The following ARK2C variants were observed in gnomAD, a reference collection of about 807,000 sequenced individuals.
ARK2C encodes the protein E3 ubiquitin-protein ligase ARK2C.
At chr18:46,451,100 C>T in the ARK2C span, among the ~76,000 whole-genome samples, 4 of 152,146 alleles carry the variant, frequency 2.6e-5, no homozygotes, top group Non-Finnish European at 4.4e-5. Flanking sequence ...GTGTCAGGCA[C>T]ATAAATACTT....
chr18:46,362,170 G>A, the ARK2C span, among the ~76,000 whole-genome samples: 87 of 152,340 alleles, frequency 5.7e-4, no homozygotes, highest in Middle Eastern at 6.8e-3. Flanking sequence ...AGGGGCAGTC[G>A]CTGTCCCCTC....
chr18:46,379,175 G>C, the ARK2C span, among the ~76,000 whole-genome samples: 1 of 152,226 alleles, frequency 6.6e-6, no homozygotes, highest in East Asian at 1.9e-4. Flanking sequence ...TGTCATACAA[G>C]AGTTGCTGGA....
the ARK2C span, among the ~76,000 whole-genome samples, chr18:46,349,409 C>T: frequency 6.6e-6 from 1 of 152,278 alleles, no homozygotes; most frequent in African/African-American, 2.4e-5. Context: ...CATTCATGAG[C>T]GCTTCACTCT....
chr18:46,450,481 T>C, the ARK2C span: 5 of 1,083,006 alleles, frequency 4.6e-6, no homozygotes, highest in East Asian at 4.7e-5. Context: ...CCACCTCTGC[T>C]GGTGAGTAGG....
the ARK2C span, chr18:46,456,047 G>T: frequency 6.2e-7 from 1 of 1,612,346 alleles, no homozygotes; most frequent in Non-Finnish European, 8.5e-7. Flanking sequence ...TGCACAATTT[G>T]TCTGTCTATG....
chr18:46,356,824 T>C, the ARK2C span, among the ~76,000 whole-genome samples: 1 of 152,220 alleles, frequency 6.6e-6, no homozygotes, highest in Non-Finnish European at 1.5e-5. Flanking sequence ...GTTGGTCTTA[T>C]TCAGGCATGG....
At chr18:46,433,043 A>G in the ARK2C span, 85 of 566,444 alleles carry the variant, frequency 1.5e-4, no homozygotes, top group Non-Finnish European at 9.1e-6. Context: ...AAGGATGACC[A>G]CATGCCTCTA....
the ARK2C span, among the ~76,000 whole-genome samples, chr18:46,431,457 G>A: frequency 6.6e-6 from 1 of 152,260 alleles, no homozygotes; most frequent in East Asian, 1.9e-4. Context: ...AGAAGTATCT[G>A]CAGAGCTCTT....
the ARK2C span, among the ~76,000 whole-genome samples, chr18:46,409,967 G>A: frequency 6.6e-6 from 1 of 152,198 alleles, no homozygotes; most frequent in African/African-American, 2.4e-5. Flanking sequence ...AAGTGGAATT[G>A]CAGTAGACAG....
At chr18:46,343,866 G>A in the ARK2C span, among the ~76,000 whole-genome samples, 1 of 152,218 alleles carries the variant, frequency 6.6e-6, no homozygotes, top group African/African-American at 2.4e-5. Context: ...GCCCACCCAG[G>A]GCATGGGCTA....
the ARK2C span, among the ~76,000 whole-genome samples, chr18:46,361,014 G>A: frequency 6.6e-6 from 1 of 152,262 alleles, no homozygotes; most frequent in Non-Finnish European, 1.5e-5. Flanking sequence ...TTTTCTGCAA[G>A]TGGAAAAGGT....
At chr18:46,440,415 T>C in the ARK2C span, among the ~76,000 whole-genome samples, 3 of 152,250 alleles carry the variant, frequency 2.0e-5, no homozygotes, top group Admixed American at 1.3e-4. Context: ...TTGGTGTGAA[T>C]ATACAGTATA....
At chr18:46,361,462 T>G in the ARK2C span, among the ~76,000 whole-genome samples, 1 of 152,172 alleles carries the variant, frequency 6.6e-6, no homozygotes, top group African/African-American at 2.4e-5. Flanking sequence ...CATGATCCAG[T>G]GTCCAAAAAA....
At chr18:46,436,500 A>C in the ARK2C span, among the ~76,000 whole-genome samples, 6 of 152,210 alleles carry the variant, frequency 3.9e-5, no homozygotes, top group Non-Finnish European at 8.8e-5. Context: ...AAAAGAATGA[A>C]TTATCTTAAA....
chr18:46,449,060 A>G, the ARK2C span, among the ~76,000 whole-genome samples: 1 of 152,188 alleles, frequency 6.6e-6, no homozygotes, highest in African/African-American at 2.4e-5. Flanking sequence ...CTTACTACAT[A>G]CCAGGCACTG....
At chr18:46,428,760 T>C in the ARK2C span, among the ~76,000 whole-genome samples, 1 of 152,222 alleles carries the variant, frequency 6.6e-6, no homozygotes, top group Non-Finnish European at 1.5e-5. Flanking sequence ...ATTTTGGATA[T>C]GATGAATTAC....
the ARK2C span, chr18:46,450,775 C>T: frequency 6.2e-7 from 1 of 1,613,640 alleles, no homozygotes; most frequent in Non-Finnish European, 8.5e-7. Flanking sequence ...TTGAGAGGTT[C>T]ACCTTCCCCC....
At chr18:46,416,501 A>G in the ARK2C span, among the ~76,000 whole-genome samples, 2,875 of 152,344 alleles carry the variant, frequency 0.019, 48 homozygotes, top group East Asian at 0.094. Context: ...CAGAACATTG[A>G]GAGCACAACT....
At chr18:46,365,663 C>A in the ARK2C span, among the ~76,000 whole-genome samples, 1 of 152,190 alleles carries the variant, frequency 6.6e-6, no homozygotes, top group Non-Finnish European at 1.5e-5. Flanking sequence ...GCCACCAAGT[C>A]CAGCTAATTT....
Sources: gnomAD v4.1 joint callset for allele counts (sites outside exome capture counted in the v4.1 genomes callset) on GRCh38, gnomAD v4.1.1 for gene constraint, MANE v1.5 for transcripts, NCBI Gene and HGNC (gene_info 2026-07-23, HGNC 2026-07-21) for gene names.